The following NLGN1 variants were observed in gnomAD, a reference collection of about 807,000 sequenced individuals.
The protein encoded by NLGN1 is neuroligin 1.
A neutral mutation model predicts 65.5 loss-of-function variants in NLGN1; 12 were observed. That is an observed-to-expected ratio of 0.18 (90% CI 0.12 to 0.30). The LOEUF (loss-of-function observed/expected upper bound fraction) is 0.30, where lower values mean the gene tolerates loss of function less well. Ranked by LOEUF, NLGN1 falls within the 10% of genes least tolerant of loss-of-function variation. NLGN1 has a pLI of 1.00. For synonymous variants in NLGN1, 350 were observed against 359.5 expected (o/e 0.97, Z 0.30); for missense variants, 750 against 1,007.1 (o/e 0.74, Z 3.46).
intron 4 of NLGN1, among the ~76,000 whole-genome samples, chr3:173,839,381 C>T (rs1470791546): frequency 6.6e-6 from 1 of 151,802 alleles, no homozygotes; most frequent in African/African-American, 2.4e-5. Context: ...AGATCCTGAA[C>T]ATCCTCAGAG....
chr3:174,083,310 T>G (rs897859628), intron 4 of NLGN1, among the ~76,000 whole-genome samples: 2 of 152,092 alleles, frequency 1.3e-5, no homozygotes, highest in Non-Finnish European at 2.9e-5. Flanking sequence ...AAAATGGGTA[T>G]ATACAAATAA....
At chr3:174,235,563 G>T (rs1741552795) in intron 4 of NLGN1, among the ~76,000 whole-genome samples, 1 of 152,042 alleles carries the variant, frequency 6.6e-6, no homozygotes, top group Admixed American at 6.5e-5. Context: ...CTTACATTTA[G>T]ATTCCTAAGA....
intron 4 of NLGN1, among the ~76,000 whole-genome samples, chr3:174,140,878 C>G (rs907442823): frequency 6.6e-6 from 1 of 151,974 alleles, no homozygotes; most frequent in Admixed American, 6.6e-5. Context: ...TTGTATAACT[C>G]TATGATTGGG....
rs568670182 is a variant in NLGN1 at position 173,821,911 on chromosome 3, G to A, written c.646+14079G>A. ...GTGAGAGCATATACAATAACATTAT[G>A]TTGAGATATACATAATAAATCAGGT... On this transcript the variant is annotated intron_variant, in intron 4 of 6. Coordinates refer to ENST00000457714, the Ensembl canonical transcript of NLGN1. 2.6e-5 allele frequency among the ~76,000 whole-genome samples: 4 copies of A among 152,216 alleles called. No homozygotes were observed. The South Asian group carries it at 8.3e-4, about 32-fold the overall frequency.
At chr3:173,841,350 G>T (rs1055967956) in intron 4 of NLGN1, among the ~76,000 whole-genome samples, 1 of 152,092 alleles carries the variant, frequency 6.6e-6, no homozygotes, top group Non-Finnish European at 1.5e-5. Context: ...TCTTTGAAAA[G>T]CCTTGAATCT....
chr3:173,816,833 GT>G (rs1719130932), intron 4 of NLGN1, among the ~76,000 whole-genome samples: 1 of 152,128 alleles, frequency 6.6e-6, no homozygotes, highest in South Asian at 2.1e-4. Context: ...TTCTGATTTG[GT>G]TTAAATGTCA....
At chr3:173,864,187 A>G (rs1337369251) in intron 4 of NLGN1, among the ~76,000 whole-genome samples, 1 of 152,250 alleles carries the variant, frequency 6.6e-6, no homozygotes, top group African/African-American at 2.4e-5. Flanking sequence ...TAGTTTCACA[A>G]GCATAATATG....
At chr3:173,543,531 A>G (rs573807282) in intron 2 of NLGN1, among the ~76,000 whole-genome samples, 2 of 152,232 alleles carry the variant, frequency 1.3e-5, no homozygotes, top group East Asian at 3.9e-4. Flanking sequence ...GACAGTGTCC[A>G]CTGAGTGAAA....
chr3:173,883,738 T>C (rs796616220), intron 4 of NLGN1, among the ~76,000 whole-genome samples: 7 of 152,044 alleles, frequency 4.6e-5, no homozygotes, highest in African/African-American at 1.7e-4. Context: ...TAATTGCCCA[T>C]GTTGACATGG....
chr3:174,266,772 A>AGTT (rs1219653764), intron 4 of NLGN1, among the ~76,000 whole-genome samples: 1 of 152,216 alleles, frequency 6.6e-6, no homozygotes, highest in African/African-American at 2.4e-5. Context: ...TCCATGGAAT[A>AGTT]GTTTAAAAAT....
At chr3:173,796,668 C>A (rs983345866) in intron 3 of NLGN1, among the ~76,000 whole-genome samples, 1 of 152,094 alleles carries the variant, frequency 6.6e-6, no homozygotes, top group African/African-American at 2.4e-5. Flanking sequence ...GAATTAATCA[C>A]TTCTACACAC....
chr3:173,499,125 T>G (rs1730555091), intron 2 of NLGN1, among the ~76,000 whole-genome samples: 1 of 151,620 alleles, frequency 6.6e-6, no homozygotes, highest in Non-Finnish European at 1.5e-5. Flanking sequence ...ATGAAGTCCT[T>G]GCCCATGCCT....
rs538043760 is a variant in NLGN1, at chr3:174,183,481, A to G, written c.647-91834A>G. On this transcript the variant is annotated intron_variant, in intron 4 of 6. Transcript: ENST00000457714. ...ATCCGAACTAGCTATTTACTCAAAC[A>G]TCCCTTTTTACCAAGAAATAATTTA... Among the ~76,000 whole-genome samples, 5 of 152,298 alleles carry G rather than the reference A, an allele frequency of 3.3e-5. No homozygotes were observed. The South Asian group carries it at 1.0e-3, about 32-fold the overall frequency.
At chr3:173,547,212 T>C (rs1740017019) in intron 2 of NLGN1, among the ~76,000 whole-genome samples, 1 of 152,200 alleles carries the variant, frequency 6.6e-6, no homozygotes, top group African/African-American at 2.4e-5. Flanking sequence ...TCTTGTTTTC[T>C]TACTACAGAC....
intron 2 of NLGN1, among the ~76,000 whole-genome samples, chr3:173,534,829 C>G (rs1275816957): frequency 3.3e-5 from 5 of 152,208 alleles, no homozygotes; most frequent in African/African-American, 1.2e-4. Context: ...TTTCCTCACA[C>G]CTGCCCAACT....
At chr3:173,703,055 T>C (rs1483830162) in intron 3 of NLGN1, among the ~76,000 whole-genome samples, 2 of 152,100 alleles carry the variant, frequency 1.3e-5, no homozygotes, top group Non-Finnish European at 2.9e-5. Flanking sequence ...AGAATTTTTG[T>C]TGGTATTATG....
chr3:174,143,589 A>G (rs1044334620), intron 4 of NLGN1, among the ~76,000 whole-genome samples: 31 of 152,140 alleles, frequency 2.0e-4, no homozygotes, highest in African/African-American at 7.5e-4. Context: ...AGCCTTCTAT[A>G]TTTACTTCAG....
chr3:173,621,799 G>T (rs1379654351), intron 3 of NLGN1, among the ~76,000 whole-genome samples: 1 of 151,888 alleles, frequency 6.6e-6, no homozygotes, highest in Non-Finnish European at 1.5e-5. Context: ...TGGGAGGAAG[G>T]TGATGCTGTT....
chr3:174,055,746 A>T (rs2152509913), intron 4 of NLGN1, among the ~76,000 whole-genome samples: 1 of 152,176 alleles, frequency 6.6e-6, no homozygotes, highest in South Asian at 2.1e-4. Flanking sequence ...TTTGGTGAGA[A>T]GTAAATGTGT....
Sources: gnomAD v4.1 joint callset for allele counts (sites outside exome capture counted in the v4.1 genomes callset) on GRCh38, gnomAD v4.1.1 for gene constraint, MANE v1.5 for transcripts, NCBI Gene and HGNC (gene_info 2026-07-23, HGNC 2026-07-21) for gene names.